The following GDI2 variants were observed in gnomAD, a reference collection of about 807,000 sequenced individuals.
GDI2 encodes GDP dissociation inhibitor 2.
A neutral mutation model predicts 54.2 loss-of-function variants in GDI2; 22 were observed. The ratio of observed to expected loss-of-function variants is 0.41; its 90% CI spans 0.29 to 0.58. The LOEUF (loss-of-function observed/expected upper bound fraction) is 0.58, where lower values mean the gene tolerates loss of function less well. Ranked by LOEUF, GDI2 falls within the 20% of genes least tolerant of loss-of-function variation. GDI2 has a pLI of 0.35. For synonymous variants in GDI2, 177 were observed against 182.1 expected (o/e 0.97, Z 0.23); for missense variants, 422 against 546.0 (o/e 0.77, Z 2.26).
chr10:5,783,194 T>A (rs762707662), intron 6 of GDI2, among the ~76,000 whole-genome samples: 5 of 152,184 alleles, frequency 3.3e-5, no homozygotes, highest in Non-Finnish European at 7.4e-5. Flanking sequence ...AGGACAGGGA[T>A]AGGTCTATAA....
intron 2 of GDI2, among the ~76,000 whole-genome samples, chr10:5,797,521 G>T (rs191916678): frequency 1.1e-4 from 15 of 134,234 alleles, no homozygotes; most frequent in Non-Finnish European, 2.2e-4. Context: ...CTCCAGCCTA[G>T]TGACAGAGTG....
At chr10:5,795,078 A>G (rs1187999786) in intron 3 of GDI2, 59 bp from the exon 4 acceptor site, 1 of 1,009,654 alleles carries the variant, frequency 9.9e-7, no homozygotes, top group East Asian at 2.4e-5. Flanking sequence ...AAGAACATTT[A>G]CTAATACTAA....
chr10:5,787,013 G>C (rs1459808780), intron 4 of GDI2, among the ~76,000 whole-genome samples: 1 of 152,076 alleles, frequency 6.6e-6, no homozygotes, highest in Non-Finnish European at 1.5e-5. Flanking sequence ...ATAGATGATA[G>C]ACAAATAGCC....
In GDI2 at chr10:5,806,703, G is replaced by A. The variant is rs527555052; in HGVS notation, c.46-5998C>T. 9.2e-5 allele frequency among the ~76,000 whole-genome samples: 14 copies of A among 152,066 alleles called. No homozygotes were observed. The South Asian group carries it at 2.7e-3, about 29-fold the overall frequency. On this transcript the variant is annotated intron_variant, in intron 1 of 10. Transcript: ENST00000380191. ...TACTGACTAAAACAATTTACTTTTG[G>A]GGGGTGGGGGAAGAAAACAACCTAA...
intron 1 of GDI2, 104 bp from the exon 2 acceptor site, chr10:5,800,809 T>C: frequency 1.4e-6 from 1 of 721,394 alleles, no homozygotes; most frequent in South Asian, 1.5e-5. Context: ...TAATTACACT[T>C]ATATTCATGC....
At chr10:5,782,264 T>C (rs1040804492) in intron 6 of GDI2, among the ~76,000 whole-genome samples, 3 of 152,148 alleles carry the variant, frequency 2.0e-5, no homozygotes, top group Non-Finnish European at 2.9e-5. Context: ...ATTAAAACCA[T>C]AATGAGATAG....
At chr10:5,807,007 C>G (rs532468576) in intron 1 of GDI2, among the ~76,000 whole-genome samples, 1 of 152,264 alleles carries the variant, frequency 6.6e-6, no homozygotes, top group African/African-American at 2.4e-5. Context: ...GTCCAAAGAG[C>G]TGACAGCAAC....
chr10:5,803,028 G>A (rs940943428), intron 1 of GDI2, among the ~76,000 whole-genome samples: 1 of 152,170 alleles, frequency 6.6e-6, no homozygotes, highest in African/African-American at 2.4e-5. Context: ...GTCTGTGTGA[G>A]ACCTGTTTTC....
chr10:5,774,966 G>A lies in GDI2; in HGVS notation c.720-1025C>T, dbSNP rs1176287268. 6.6e-6 allele frequency among the ~76,000 whole-genome samples: 1 copy of A among 152,106 alleles called. No individual in the cohort carries two copies. Among genetic ancestry groups the A allele is most frequent in the Non-Finnish European group, 1.5e-5 (1 of 68,028 alleles). On this transcript the variant is annotated intron_variant, in intron 6 of 10. Transcript: ENST00000380191. The surrounding 1 kb of genome is among the most constrained non-coding windows in gnomAD (Gnocchi z 4.8). Reference sequence around the variant, plus strand: ...AATAGCTATATTAGTCTAATCCTCTGGCATATAAATAAAACTATGGACTTA... The same window carrying A: ...AATAGCTATATTAGTCTAATCCTCTAGCATATAAATAAAACTATGGACTTA...
intron 4 of GDI2, among the ~76,000 whole-genome samples, chr10:5,786,488 T>C (rs975504270): frequency 5.9e-5 from 9 of 152,130 alleles, no homozygotes; most frequent in Non-Finnish European, 1.2e-4. Context: ...ATTTAAGATA[T>C]GGGAGTTTGG....
At chr10:5,801,099 C>A (rs1841260303) in intron 1 of GDI2, among the ~76,000 whole-genome samples, 1 of 151,914 alleles carries the variant, frequency 6.6e-6, no homozygotes, top group African/African-American at 2.4e-5. Context: ...TTACAGGTGC[C>A]CGCCACCACA....
At chr10:5,786,264 G>A (rs555653633) in intron 4 of GDI2, among the ~76,000 whole-genome samples, 2 of 138,434 alleles carry the variant, frequency 1.4e-5, no homozygotes, top group South Asian at 2.3e-4. Flanking sequence ...TCTGCCTCCC[G>A]TGTTCAAGCG....
chr10:5,778,543 T>C (rs1840677644), intron 6 of GDI2, among the ~76,000 whole-genome samples: 1 of 152,236 alleles, frequency 6.6e-6, no homozygotes, highest in Admixed American at 6.5e-5. Flanking sequence ...GGAGAAATAT[T>C]TAAATTTCCA....
Position 5,773,097 on chromosome 10 carries a change from A to G in GDI2, c.819+745T>C, listed in dbSNP as rs568544934. Among the ~76,000 whole-genome samples the G allele has an allele frequency of 1.4e-4, 21 of 152,276 alleles. 1 individual carries two copies. The South Asian group carries it at 1.9e-3, about 14-fold the overall frequency. ...TCTCCCTTACTCATTGTCCCCTTAC[A>G]CCACCTACCAAACTCTGATCTCAAA... On this transcript the variant is annotated intron_variant, in intron 7 of 10. Coordinates refer to ENST00000380191, the MANE Select transcript of GDI2 (RefSeq NM_001494.4).
chr10:5,778,840 G>A (rs1478353369), intron 6 of GDI2, among the ~76,000 whole-genome samples: 1 of 152,138 alleles, frequency 6.6e-6, no homozygotes, highest in Admixed American at 6.6e-5. Flanking sequence ...GTAAAATCCA[G>A]TCTCCACAAA....
At chr10:5,797,611 A>T (rs1453747178) in intron 2 of GDI2, among the ~76,000 whole-genome samples, 1 of 146,444 alleles carries the variant, frequency 6.8e-6, no homozygotes, top group Non-Finnish European at 1.5e-5. Context: ...GCTACTCGAG[A>T]GGCTGAGGCA....
At chr10:5,795,347 C>T (rs886394708) in intron 3 of GDI2, among the ~76,000 whole-genome samples, 3 of 151,988 alleles carry the variant, frequency 2.0e-5, no homozygotes, top group Admixed American at 6.6e-5. Context: ...GTCTCAAACT[C>T]CTAAGCTCAA....
intron 1 of GDI2, among the ~76,000 whole-genome samples, chr10:5,808,052 C>A (rs1258978860): frequency 6.6e-6 from 1 of 152,076 alleles, no homozygotes; most frequent in Admixed American, 6.5e-5. Context: ...AACTCTATAC[C>A]CTGGCTGGGC....
In GDI2 at chr10:5,774,034, A is replaced by G; in HGVS notation, c.720-93T>C. ...GATCTTAATGAGTTACAGACAATAT[A>G]CATTTGTTCAATTTCCTTCTAGAAA... is the stretch of plus-strand genomic sequence containing the variant. On this transcript the variant is annotated intron_variant, in intron 6 of 10. Coordinates refer to ENST00000380191, the MANE Select transcript of GDI2 (RefSeq NM_001494.4). The surrounding 1 kb of genome is among the most constrained non-coding windows in gnomAD (Gnocchi z 4.8). 2.0e-5 allele frequency: 12 copies of G among 597,580 alleles called. No individual in the cohort carries two copies. In the South Asian group the frequency reaches 2.7e-4, roughly 13 times the overall value. 37.0% of individuals were successfully genotyped at this position (597,580 alleles called of 1,614,324 possible). A position where few individuals can be genotyped will look rare whatever the true frequency, so the allele number is the denominator to read the frequency against.
Sources: allele counts gnomAD v4.1 joint callset (sites outside exome capture counted in the v4.1 genomes callset), GRCh38; gene constraint gnomAD v4.1.1; non-coding constraint Gnocchi (gnomAD v3.1); transcripts MANE v1.5; gene names NCBI Gene and HGNC (gene_info 2026-07-23, HGNC 2026-07-21).